The following DNMT3A variants were observed in gnomAD, a reference collection of about 807,000 sequenced individuals.
DNMT3A encodes DNA methyltransferase 3 alpha.
In DNMT3A, 267 loss-of-function variants were observed where a neutral mutation model predicts 117.6. That is an observed-to-expected ratio of 2.27 (90% CI 2.05 to 2.51). The LOEUF is 2.51. DNMT3A is among the 30% of genes most tolerant of loss of function. The pLI is 0.00. For synonymous variants in DNMT3A, 432 were observed against 474.8 expected (o/e 0.91, Z 1.17); for missense variants, 1,029 against 1,260.2 (o/e 0.82, Z 2.78).
chr2:25,341,733 G>T, intron 1 of DNMT3A, 93 bp downstream of exon 1: 1 of 885,690 alleles, frequency 1.1e-6, no homozygotes, highest in Non-Finnish European at 1.3e-6. Context: ...CCCCGAGCCG[G>T]GCACTGCCAG....
At chr2:25,260,172 C>T (rs1362458911) in intron 6 of DNMT3A, among the ~76,000 whole-genome samples, 4 of 152,182 alleles carry the variant, frequency 2.6e-5, no homozygotes, top group African/African-American at 4.8e-5. Context: ...CCAATGCAGG[C>T]GATACAATAA....
At chr2:25,235,686 A>G (rs1378583851) in intron 22 of DNMT3A, 21 bp downstream of exon 22, 3 of 1,595,678 alleles carry the variant, frequency 1.9e-6, no homozygotes, top group Admixed American at 1.7e-5. Context: ...CCGCAGCCAG[A>G]TGCCAGCACA....
At chr2:25,290,030 C>A in intron 3 of DNMT3A, among the ~76,000 whole-genome samples, 1 of 152,288 alleles carries the variant, frequency 6.6e-6, no homozygotes, top group South Asian at 2.1e-4. Context: ...TGCGGTGGCA[C>A]GATCACGGCT....
chr2:25,342,023 C>T (rs1449506501), upstream of DNMT3A: 13 of 822,470 alleles, frequency 1.6e-5, no homozygotes, highest in Non-Finnish European at 1.7e-5. The surrounding 1 kb of genome is among the most constrained non-coding windows in gnomAD (Gnocchi z 5.9). Flanking sequence ...CCGCCGGGTC[C>T]CCCCCTCCCA....
chr2:25,334,444 A>G (rs1175721823), intron 1 of DNMT3A, among the ~76,000 whole-genome samples: 3 of 152,066 alleles, frequency 2.0e-5, no homozygotes, highest in Non-Finnish European at 4.4e-5. Context: ...TGGCCTCCCA[A>G]GAGGCTCTCA....
At chr2:25,330,523 C>A (rs892146224) in intron 1 of DNMT3A, among the ~76,000 whole-genome samples, 4 of 152,250 alleles carry the variant, frequency 2.6e-5, no homozygotes, top group African/African-American at 9.6e-5. Flanking sequence ...CCATACAGCC[C>A]AAGGGCCATC....
At chr2:25,303,750 T>C (rs1203047803) in intron 2 of DNMT3A, among the ~76,000 whole-genome samples, 1 of 152,116 alleles carries the variant, frequency 6.6e-6, no homozygotes, top group African/African-American at 2.4e-5. Context: ...CGCGATGGAG[T>C]CTTAGGGCAA....
intron 6 of DNMT3A, among the ~76,000 whole-genome samples, chr2:25,272,383 T>G (rs1285208168): frequency 1.3e-5 from 2 of 152,236 alleles, no homozygotes; most frequent in Admixed American, 1.3e-4. Context: ...ACCCTTTTTT[T>G]CACTGTAACT....
intron 16 of DNMT3A, among the ~76,000 whole-genome samples, 148 bp downstream of exon 16, chr2:25,243,745 ACGTTT>A (rs1339070107): frequency 1.3e-5 from 2 of 152,220 alleles, no homozygotes; most frequent in African/African-American, 4.8e-5. Flanking sequence ...CGGACTGCAT[ACGTTT>A]CCACTTCACA....
At position 25,299,926 on chromosome 2, in the gene DNMT3A, G is replaced by A. The variant is rs114974509; in HGVS notation, c.177+213C>T. Among the ~76,000 whole-genome samples, 10,859 of 151,992 alleles carry A rather than the reference G, an allele frequency of 0.071. 501 individuals carry two copies. The highest frequency in any genetic ancestry group is 0.1 in the Non-Finnish European group (7,029 of 67,934). The stretch of plus-strand genomic sequence containing the variant: ...AGCCTGGGCAACAGAGTGAGACTCC[G>A]TCTCAGTAAAAAAGTAAATAAATAA... On this transcript the variant is annotated intron_variant, in intron 3 of 22. Transcript: ENST00000321117.
rs1434761129 is a variant in DNMT3A, at chr2:25,235,695, C to A, written c.2597+12G>T. The A allele has an allele frequency of 6.8e-6, 11 of 1,608,852 alleles. No homozygotes were observed. In the African/African-American group the frequency reaches 1.2e-4, roughly 18 times the overall value. On this transcript the variant is annotated intron_variant, in intron 22 of 22. Transcript: ENST00000321117. ...GCCACACCGCAGCCAGATGCCAGCA[C>A]AACCCGGGTACCTTTCCATTTCAGT...
At chr2:25,318,698 C>CTTTTTTTTT (rs375722790) in intron 1 of DNMT3A, among the ~76,000 whole-genome samples, 2 of 132,266 alleles carry the variant, frequency 1.5e-5, no homozygotes, top group South Asian at 2.5e-4. Context: ...TTTTTCTTTT[C>CTTTTTTTTT]TTTTTTTTTT....
chr2:25,243,428 T>C (rs1469793444), intron 16 of DNMT3A, among the ~76,000 whole-genome samples: 5 of 152,218 alleles, frequency 3.3e-5, no homozygotes, highest in Non-Finnish European at 1.5e-5. Context: ...TATGGATGTA[T>C]GGTTATATAA....
intron 3 of DNMT3A, among the ~76,000 whole-genome samples, chr2:25,291,627 C>T (rs1214922090): frequency 6.6e-6 from 1 of 152,222 alleles, no homozygotes; most frequent in African/African-American, 2.4e-5. Context: ...AACTCTGGTC[C>T]CAGCCTGGGC....
chr2:25,279,393 C>T (rs532649343), intron 4 of DNMT3A, among the ~76,000 whole-genome samples: 2 of 152,318 alleles, frequency 1.3e-5, no homozygotes, highest in South Asian at 2.1e-4. Context: ...GAGCCACATC[C>T]TCTCCGGGGC....
At chr2:25,260,373 C>T (rs1372843096) in intron 6 of DNMT3A, among the ~76,000 whole-genome samples, 1 of 152,138 alleles carries the variant, frequency 6.6e-6, no homozygotes, top group East Asian at 1.9e-4. Flanking sequence ...AATGCACTGC[C>T]CAGGTGGTTC....
At position 25,272,923 on chromosome 2, in the gene DNMT3A, T is replaced by C. The variant is rs554226365; in HGVS notation, c.639+2018A>G. Among the ~76,000 whole-genome samples, 51 of 150,008 alleles carry C rather than the reference T, an allele frequency of 3.4e-4. 1 individual carries two copies. Among genetic ancestry groups the C allele is most frequent in the African/African-American group, 1.2e-3 (49 of 40,702 alleles). ...TTCAAGCAATTCTCCTGCCTCAGCC[T>C]CTTGAGTAGCTGGGACTATAGGCAC... On this transcript the variant is annotated intron_variant, in intron 6 of 22. Coordinates refer to ENST00000321117, the MANE Select transcript of DNMT3A (RefSeq NM_022552.5).
chr2:25,235,563 C>T, intron 22 of DNMT3A, 144 bp downstream of exon 22: 1 of 664,864 alleles, frequency 1.5e-6, no homozygotes, highest in Non-Finnish European at 2.6e-6. Context: ...AGGAGTCTGC[C>T]ATGTTGGGAA....
Position 25,234,180 on chromosome 2 carries a change from C to G in DNMT3A, c.*99G>C. On this transcript the variant is annotated 3_prime_UTR_variant, in exon 23 of 23. Transcript: ENST00000321117. The surrounding 1 kb of genome is among the most constrained non-coding windows in gnomAD (Gnocchi z 4.5). Reference sequence around the variant, plus strand: ...CCTTTTTCTCTTCTGGGTGCTGATACTTCTCTCCATCCTCATGTTCTTGGT... The same window carrying G: ...CCTTTTTCTCTTCTGGGTGCTGATAGTTCTCTCCATCCTCATGTTCTTGGT... 1 of 1,491,256 alleles carries G rather than the reference C, an allele frequency of 6.7e-7. No homozygotes were observed. The highest frequency in any genetic ancestry group is 9.0e-7 in the Non-Finnish European group (1 of 1,114,090). The allele number at this position is 1,491,256 out of a possible 1,614,324, so 92.4% of individuals were successfully genotyped here.
Sources: allele counts gnomAD v4.1 joint callset (sites outside exome capture counted in the v4.1 genomes callset), GRCh38; gene constraint gnomAD v4.1.1; non-coding constraint Gnocchi (gnomAD v3.1); transcripts MANE v1.5; gene names NCBI Gene and HGNC (gene_info 2026-07-23, HGNC 2026-07-21).